The following CDC27 variants were observed in gnomAD, a reference collection of about 807,000 sequenced individuals.
CDC27 encodes the protein cell division cycle 27, also known as cell division cycle protein 27 homolog.
Under a neutral mutation model 109.7 loss-of-function variants are expected in CDC27, and 27 were observed. The observed-to-expected ratio is 0.25, with a 90% CI of 0.18 to 0.34. The LOEUF is 0.34. Among genes scored for constraint, CDC27 ranks in the 10% least tolerant of loss-of-function variants. The probability of loss-of-function intolerance (pLI) is 1.00; values close to 1 mark genes in which losing one functional copy is unlikely to be tolerated. For synonymous variants in CDC27, 266 were observed against 333.9 expected, an observed-to-expected ratio of 0.80 and a Z score of 2.22; for missense variants, 579 against 960.2, an observed-to-expected ratio of 0.60 and a Z score of 5.25.
At chr17:47,151,985 C>T (rs1459758891) in intron 8 of CDC27, 67 bp from the exon 9 acceptor site, 1 of 1,435,630 alleles carries the variant, frequency 7.0e-7, no homozygotes, top group Non-Finnish European at 9.3e-7. Flanking sequence ...AAAGACAACA[C>T]AACGCTCCCA....
intron 4 of CDC27, among the ~76,000 whole-genome samples, chr17:47,169,645 CAAAAAA>C (rs373074410): frequency 1.7e-5 from 1 of 60,166 alleles, no homozygotes; most frequent in African/African-American, 5.3e-5. Flanking sequence ...AACTCCATCT[CAAAAAA>C]AAAAAAAAAA....
At chr17:47,134,753 C>T (rs1598421171) in intron 14 of CDC27, among the ~76,000 whole-genome samples, 1 of 150,410 alleles carries the variant, frequency 6.6e-6, no homozygotes, top group African/African-American at 2.4e-5. Flanking sequence ...GGATTACAGG[C>T]GTGAGCCACC....
chr17:47,122,030 G>A (rs1205605669), intron 18 of CDC27, among the ~76,000 whole-genome samples: 3 of 152,040 alleles, frequency 2.0e-5, no homozygotes, highest in Non-Finnish European at 4.4e-5. Flanking sequence ...GAGCCACTGC[G>A]ACTGGCCCCA....
intron 15 of CDC27, among the ~76,000 whole-genome samples, chr17:47,130,144 G>A (rs964674167): frequency 7.2e-5 from 11 of 152,082 alleles, no homozygotes; most frequent in East Asian, 3.9e-4. Flanking sequence ...GGTGGATCAC[G>A]AGGTCAGGAG....
At chr17:47,180,251 T>C (rs764792) in intron 2 of CDC27, among the ~76,000 whole-genome samples, 53,795 of 152,080 alleles carry the variant, frequency 0.35, 10,066 homozygotes, top group Admixed American at 0.43. Flanking sequence ...GATTAATCTA[T>C]TGTATAATCT....
chr17:47,159,944 C>A, intron 4 of CDC27: 1 of 352,576 alleles, frequency 2.8e-6, no homozygotes, highest in Non-Finnish European at 5.4e-6. Flanking sequence ...GCCTCGGTCC[C>A]GGCCCCATCC....
chr17:47,133,029 A>ATATG (rs1491311232), intron 14 of CDC27, among the ~76,000 whole-genome samples: 2 of 20,008 alleles, frequency 1.0e-4, no homozygotes, highest in Non-Finnish European at 2.3e-4. Context: ...ATATATATAT[A>ATATG]CACACACACA....
At chr17:47,142,508 T>C in intron 10 of CDC27, 72 bp from the exon 11 acceptor site, 1 of 589,936 alleles carries the variant, frequency 1.7e-6, no homozygotes, top group Admixed American at 3.3e-5. Flanking sequence ...CTTTCTCCAG[T>C]ATTAGATATA....
chr17:47,167,168 A>G (rs898861628), intron 4 of CDC27, among the ~76,000 whole-genome samples: 1 of 152,220 alleles, frequency 6.6e-6, no homozygotes, highest in African/African-American at 2.4e-5. Flanking sequence ...TTAATTATTT[A>G]GAAGTATGTG....
intron 1 of CDC27, chr17:47,188,770 GATCAA>G (rs11570452): frequency 0.028 from 30,769 of 1,112,372 alleles, 495 homozygotes; most frequent in Non-Finnish European, 0.031. Flanking sequence ...CACAAGCTCC[GATCAA>G]ATGTGCTTCT....
At chr17:47,181,444 GTCAA>G (rs2064234103) in intron 2 of CDC27, 114 bp downstream of exon 2, 1 of 553,352 alleles carries the variant, frequency 1.8e-6, no homozygotes, top group African/African-American at 1.9e-5. Context: ...ATGAACTAGT[GTCAA>G]TCAGAAAAAC....
intron 13 of CDC27, among the ~76,000 whole-genome samples, chr17:47,138,322 T>C (rs1446734272): frequency 6.6e-6 from 1 of 152,192 alleles, no homozygotes; most frequent in Non-Finnish European, 1.5e-5. Context: ...AAAAGTATCA[T>C]TAAATATTTT....
intron 18 of CDC27, among the ~76,000 whole-genome samples, 165 bp downstream of exon 18, chr17:47,122,279 C>T (rs918437105): frequency 5.3e-5 from 8 of 151,694 alleles, no homozygotes; most frequent in African/African-American, 1.7e-4. Context: ...CATTATCTGA[C>T]TTTATATGCA....
At chr17:47,180,615 A>G (rs1306427924) in intron 2 of CDC27, among the ~76,000 whole-genome samples, 2 of 152,152 alleles carry the variant, frequency 1.3e-5, no homozygotes, top group Non-Finnish European at 2.9e-5. Flanking sequence ...ACTCAAAAAA[A>G]AAAAAAAGCT....
At chr17:47,159,177 C>T in intron 4 of CDC27, 1 of 404,032 alleles carries the variant, frequency 2.5e-6, no homozygotes, top group Non-Finnish European at 4.4e-6. Context: ...CTTTATTTTT[C>T]TTGTGTAAAA....
intron 9 of CDC27, among the ~76,000 whole-genome samples, chr17:47,150,397 T>A (rs1246233590): frequency 1.3e-5 from 2 of 152,204 alleles, no homozygotes; most frequent in Non-Finnish European, 2.9e-5. Flanking sequence ...AATATAACTG[T>A]TGTCTTTACA....
chr17:47,175,055 A>G, intron 2 of CDC27, among the ~76,000 whole-genome samples: 1 of 97,958 alleles, frequency 1.0e-5, no homozygotes, highest in South Asian at 3.3e-4. Context: ...GGAAGGAAGG[A>G]AGGAAGGAAG....
At chr17:47,157,507 CA>C in intron 5 of CDC27, 123 bp from the exon 6 acceptor site, 1 of 612,604 alleles carries the variant, frequency 1.6e-6, no homozygotes, top group Admixed American at 3.4e-5. Flanking sequence ...ATCTCCTGTC[CA>C]CTTCTGCTAA....
At chr17:47,151,656 T>G (rs1010435048) in intron 9 of CDC27, 150 bp downstream of exon 9, 4 of 499,908 alleles carry the variant, frequency 8.0e-6, no homozygotes, top group African/African-American at 5.9e-5. Flanking sequence ...ATTACATTAG[T>G]GTTGTAAGTT....
Sources: gnomAD v4.1 joint callset for allele counts (sites outside exome capture counted in the v4.1 genomes callset) on GRCh38, gnomAD v4.1.1 for gene constraint, MANE v1.5 for transcripts, NCBI Gene and HGNC (gene_info 2026-07-23, HGNC 2026-07-21) for gene names.